USP34: variants seen among roughly 807,000 people sequenced by gnomAD.
USP34 encodes the protein ubiquitin carboxyl-terminal hydrolase 34.
USP34 carries 70 observed loss-of-function variants against 460.3 expected under a neutral mutation model. That is an observed-to-expected ratio of 0.15 (90% CI 0.13 to 0.19). The LOEUF is 0.19. USP34 is among the 10% of genes least tolerant of loss of function. USP34 has a pLI of 1.00. For synonymous variants in USP34, 1,647 were observed against 1,405.3 expected, an observed-to-expected ratio of 1.17 and a Z score of -3.85; for missense variants, 3,985 against 4,236.2, an observed-to-expected ratio of 0.94 and a Z score of 1.65.
At chr2:61,387,734 T>C (rs1693203138) in intron 5 of USP34, among the ~76,000 whole-genome samples, 1 of 146,064 alleles carries the variant, frequency 6.8e-6, no homozygotes, top group Non-Finnish European at 1.5e-5. Context: ...TACACACATG[T>C]AAAAATATAT....
chr2:61,353,375 T>C (rs1415591141), intron 10 of USP34, among the ~76,000 whole-genome samples: 1 of 151,660 alleles, frequency 6.6e-6, no homozygotes, highest in Non-Finnish European at 1.5e-5. Flanking sequence ...AGTCCACCTG[T>C]TGCACTTCCT....
At chr2:61,266,886 T>C (rs747253953) in intron 41 of USP34, among the ~76,000 whole-genome samples, 3 of 152,148 alleles carry the variant, frequency 2.0e-5, no homozygotes, top group Non-Finnish European at 2.9e-5. Context: ...TACAAAACTC[T>C]CTAAGTGAAA....
intron 76 of USP34, chr2:61,191,493 C>T (rs758281792): frequency 6.6e-6 from 1 of 152,024 alleles, no homozygotes; most frequent in Non-Finnish European, 1.5e-5. Context: ...CAAGTAGGAC[C>T]AAGACCCAGG....
chr2:61,338,745 A>G (rs1248739725), intron 18 of USP34, among the ~76,000 whole-genome samples: 4 of 152,220 alleles, frequency 2.6e-5, no homozygotes, highest in African/African-American at 9.6e-5. Context: ...AATGAGAAGT[A>G]CATAAATATG....
intron 2 of USP34, among the ~76,000 whole-genome samples, chr2:61,417,728 T>TC (rs1342417388): frequency 2.2e-5 from 3 of 134,476 alleles, no homozygotes; most frequent in Non-Finnish European, 4.6e-5. Context: ...TCTTTTTTTT[T>TC]TTCTTTTTTT....
At chr2:61,440,688 T>C (rs1694938621) in intron 1 of USP34, among the ~76,000 whole-genome samples, 1 of 151,858 alleles carries the variant, frequency 6.6e-6, no homozygotes, top group Non-Finnish European at 1.5e-5. Context: ...CGGCTACTTT[T>C]TGTATTTTTA....
intron 48 of USP34, among the ~76,000 whole-genome samples, chr2:61,251,457 T>C (rs1487782771): frequency 6.6e-6 from 1 of 152,240 alleles, no homozygotes; most frequent in African/African-American, 2.4e-5. Flanking sequence ...CACATAACTA[T>C]GCTAATTTTT....
chr2:61,271,305 C>T (rs1356067777), intron 41 of USP34, among the ~76,000 whole-genome samples: 1 of 152,104 alleles, frequency 6.6e-6, no homozygotes, highest in Non-Finnish European at 1.5e-5. Flanking sequence ...TCTTCAAAGC[C>T]TTTCCTAATC....
chr2:61,236,336 A>G lies in USP34; in HGVS notation c.6831T>C (p.His2277=), dbSNP rs752881301. Residue 2277 remains histidine (H), a synonymous_variant, in exon 54 of 80, where the codon CAT becomes CAC. Coordinates refer to ENST00000398571, the MANE Select transcript of USP34 (RefSeq NM_014709.4). ...TTTACCAAACTTACCCAAAATATGTATGTTCAAAAATGTTTTTGTCTTGAA... is the reference window on the plus strand; with the variant it reads ...TTTACCAAACTTACCCAAAATATGTGTGTTCAAAAATGTTTTTGTCTTGAA... ...QFLQDKNIFE[H]TYFGFMWQLC... 1.7e-5 allele frequency: 28 copies of G among 1,603,830 alleles called. No homozygotes were observed. The highest frequency in any genetic ancestry group is 1.1e-5 in the South Asian group (1 of 88,548).
intron 5 of USP34, among the ~76,000 whole-genome samples, chr2:61,385,951 C>G (rs1218839669): frequency 6.8e-6 from 1 of 147,116 alleles, no homozygotes. Context: ...AAGCTGAGAT[C>G]GTCCCACTGC....
chr2:61,256,987 A>T, intron 46 of USP34, 37 bp from the exon 47 acceptor site: 1 of 1,421,702 alleles, frequency 7.0e-7, no homozygotes. Context: ...AAAAACTAGT[A>T]AATTATAATA....
intron 69 of USP34, among the ~76,000 whole-genome samples, chr2:61,211,237 T>G (rs1687265793): frequency 6.6e-6 from 1 of 152,176 alleles, no homozygotes. Context: ...ATAGAAGAAT[T>G]TAAGAAATTA....
chr2:61,467,618 T>C (rs1695813264), intron 1 of USP34, among the ~76,000 whole-genome samples: 2 of 28,086 alleles, frequency 7.1e-5, no homozygotes, highest in South Asian at 2.8e-3. Context: ...TGTAACTTTG[T>C]TTTTTTTTTT....
At chr2:61,316,734 A>T (rs1052639691) in intron 23 of USP34, among the ~76,000 whole-genome samples, 2 of 151,510 alleles carry the variant, frequency 1.3e-5, no homozygotes, top group African/African-American at 4.9e-5. Context: ...AAAATACAAA[A>T]ATTAGTCAGG....
chr2:61,287,830 C>T (rs759444024), intron 34 of USP34, among the ~76,000 whole-genome samples: 1 of 152,250 alleles, frequency 6.6e-6, no homozygotes, highest in Middle Eastern at 3.4e-3. Context: ...AGATTTTTGA[C>T]TGTATGGAGG....
intron 67 of USP34, chr2:61,220,109 G>C: frequency 2.4e-6 from 1 of 415,480 alleles, no homozygotes; most frequent in Non-Finnish European, 3.9e-6. Context: ...AAAAATGATA[G>C]TAGTGATGAT....
intron 48 of USP34, among the ~76,000 whole-genome samples, chr2:61,252,467 T>C (rs954833048): frequency 6.6e-6 from 1 of 152,178 alleles, no homozygotes; most frequent in African/African-American, 2.4e-5. Flanking sequence ...ATATTGCTAG[T>C]TCAAGTTCAA....
At chr2:61,283,316 A>C (rs577908976) in intron 36 of USP34, 47 bp from the exon 37 acceptor site, 70 of 1,592,770 alleles carry the variant, frequency 4.4e-5, no homozygotes, top group African/African-American at 5.5e-5. Flanking sequence ...TTTGTGCTAA[A>C]ATGAAAACAC....
At chr2:61,384,963 C>T (rs1019433058) in intron 5 of USP34, among the ~76,000 whole-genome samples, 1 of 151,952 alleles carries the variant, frequency 6.6e-6, no homozygotes, top group Middle Eastern at 3.4e-3. Flanking sequence ...AATTAGGAAA[C>T]CCAAAATAAT....
Sources: allele counts gnomAD v4.1 joint callset (sites outside exome capture counted in the v4.1 genomes callset), GRCh38; gene constraint gnomAD v4.1.1; transcripts MANE v1.5; gene names NCBI Gene and HGNC (gene_info 2026-07-23, HGNC 2026-07-21).